NCOA7: variants seen among roughly 807,000 people sequenced by gnomAD.
NCOA7 encodes nuclear receptor coactivator 7.
Under a neutral mutation model 104.3 loss-of-function variants are expected in NCOA7, and 45 were observed. The ratio of observed to expected loss-of-function variants is 0.43; its 90% CI spans 0.34 to 0.55. The LOEUF is 0.55. Ranked by LOEUF, NCOA7 falls within the 20% of genes least tolerant of loss-of-function variation. The pLI is 0.02. For missense variants in NCOA7, 1,041 were observed against 1,119.7 expected (o/e 0.93, Z 1.00); for synonymous variants, 398 against 402.3 (o/e 0.99, Z 0.13).
At chr6:125,861,807 T>C (rs1235658123) in intron 3 of NCOA7, among the ~76,000 whole-genome samples, 11 of 150,664 alleles carry the variant, frequency 7.3e-5, no homozygotes, top group Non-Finnish European at 5.9e-5. Context: ...GAGGCGGAGG[T>C]GAGTGGATCA....
rs565281431 is a variant in NCOA7, at chr6:125,850,501, T to C, written c.51-4519T>C. Among the ~76,000 whole-genome samples, 22 of 152,336 alleles carry C rather than the reference T, an allele frequency of 1.4e-4. No individual in the cohort carries two copies. In the South Asian group the frequency reaches 4.1e-3, roughly 29 times the overall value. ...AAGAATAAAACAATGTATCCCATTT[T>C]GTTATTTCCATGAGTGAAAATGAGT... On this transcript the variant is annotated intron_variant, in intron 2 of 15. Coordinates refer to ENST00000392477, the MANE Select transcript of NCOA7 (RefSeq NM_181782.5).
Position 125,822,619 on chromosome 6 carries a change from T to G in NCOA7, c.50+7215T>G, listed in dbSNP as rs115569330. Among the ~76,000 whole-genome samples, 917 of 152,246 alleles carry G rather than the reference T, an allele frequency of 6.0e-3. 8 individuals carry two copies. The highest frequency in any genetic ancestry group is 0.021 in the African/African-American group (876 of 41,562). ...CATTGCACTAAGTATTAGTGTCTAC[T>G]TTGTCTGAAAGGGGGATTAGAACAT... On this transcript the variant is annotated intron_variant, in intron 2 of 15. Coordinates refer to ENST00000392477, the MANE Select transcript of NCOA7 (RefSeq NM_181782.5).
At position 125,814,550 on chromosome 6, in the gene NCOA7, T is replaced by C. The variant is rs555939735; in HGVS notation, c.-64-741T>C. ...GTTAGTGCTCTGCAGAAATTTAGAC[T>C]GGTGAATCACTGAATAAGTAGACAA... On this transcript the variant is annotated intron_variant, in intron 1 of 15. Transcript: ENST00000392477. Among the ~76,000 whole-genome samples the C allele has an allele frequency of 9.8e-5, 15 of 152,328 alleles. No homozygotes were observed. In the South Asian group the frequency reaches 1.0e-3, roughly 11 times the overall value.
chr6:125,787,197 T>C (rs967626113), upstream of NCOA7, among the ~76,000 whole-genome samples: 2 of 152,108 alleles, frequency 1.3e-5, no homozygotes, highest in Non-Finnish European at 1.5e-5. Flanking sequence ...AGCCTTTCAT[T>C]TGGGCAATGT....
rs762940352 is a variant in NCOA7, at chr6:125,889,205, C to T, written c.1151C>T (p.Ser384Phe). ...TCCTCTAGGGAGACATCCCATGGTT[C>T]TCCCACAGTGACTAAGCTCAGCAAG... ...LDSSRETSHG[S>F]PTVTKLSKEP... The change falls in exon 9 of 16, where the codon TCT (serine) becomes TTT (phenylalanine). Residue 384 changes from serine (S) to phenylalanine (F), a missense_variant. By Grantham distance (155) the Ser-to-Phe change is radical. Coordinates refer to ENST00000392477, the MANE Select transcript of NCOA7 (RefSeq NM_181782.5). 3 of 1,613,854 alleles carry T rather than the reference C, an allele frequency of 1.9e-6. No individual in the cohort carries two copies. The highest frequency in any genetic ancestry group is 1.7e-6 in the Non-Finnish European group (2 of 1,179,992).
upstream of NCOA7, among the ~76,000 whole-genome samples, chr6:125,790,153 G>C (rs991111127): frequency 6.6e-6 from 1 of 152,234 alleles, no homozygotes; most frequent in Non-Finnish European, 1.5e-5. Flanking sequence ...CCGGGAACGG[G>C]AGGGGGAAGG....
chr6:125,875,451 AT>A (rs1228642689), intron 4 of NCOA7: 2 of 152,868 alleles, frequency 1.3e-5, no homozygotes, highest in African/African-American at 4.8e-5. Flanking sequence ...CAACCCAGAC[AT>A]TCTTTTTAAG....
intron 6 of NCOA7, among the ~76,000 whole-genome samples, chr6:125,881,711 G>C (rs1375741217): frequency 1.4e-4 from 20 of 145,882 alleles, no homozygotes; most frequent in African/African-American, 4.8e-4. Context: ...CATGCCTTGT[G>C]TAAAAGTATG....
At chr6:125,784,781 C>A (rs1774381199) in intron 1 of NCOA7, among the ~76,000 whole-genome samples, 1 of 152,084 alleles carries the variant, frequency 6.6e-6, no homozygotes, top group Non-Finnish European at 1.5e-5. Context: ...AGGAAAAAAG[C>A]CAATCTAAAA....
At chr6:125,791,224 T>C (rs1187657330) in intron 1 of NCOA7, among the ~76,000 whole-genome samples, 157 bp downstream of exon 1, 1 of 152,130 alleles carries the variant, frequency 6.6e-6, no homozygotes, top group Non-Finnish European at 1.5e-5. Context: ...CGTAGCCCCC[T>C]GTGAACCTGA....
rs1292067365 is a variant in NCOA7 at position 125,857,912 on chromosome 6, A to T, written c.271+2672A>T. Among the ~76,000 whole-genome samples, 13 of 149,462 alleles carry T rather than the reference A, an allele frequency of 8.7e-5. No individual in the cohort carries two copies. The South Asian group carries it at 1.9e-3, about 22-fold the overall frequency. Reference sequence around the variant, plus strand: ...CAAAGCGTATGCTTTTTTTTTTTTTAAATGATTTCTCGCTGTAATAGGATA... The same window carrying T: ...CAAAGCGTATGCTTTTTTTTTTTTTTAATGATTTCTCGCTGTAATAGGATA... On this transcript the variant is annotated intron_variant, in intron 3 of 15. Transcript: ENST00000392477.
intron 3 of NCOA7, among the ~76,000 whole-genome samples, chr6:125,872,625 A>G (rs1783028693): frequency 6.6e-6 from 1 of 152,254 alleles, no homozygotes; most frequent in East Asian, 1.9e-4. Flanking sequence ...TCTACCACAT[A>G]AACAAAGCAA....
intron 10 of NCOA7, among the ~76,000 whole-genome samples, chr6:125,904,899 T>C (rs1487233006): frequency 6.6e-6 from 1 of 152,228 alleles, no homozygotes; most frequent in Non-Finnish European, 1.5e-5. Flanking sequence ...CTAGGACGGC[T>C]CTGCTTTCTC....
At position 125,882,447 on chromosome 6, in the gene NCOA7, G is replaced by T. The variant is rs779870115; in HGVS notation, c.595G>T (p.Ala199Ser). ...CAAGGATGCTGACTTAGCACGAAAG[G>T]CCTTGAAACCCATTGAAAGAGTCTT... is the stretch of plus-strand genomic sequence containing the variant. ...KLPDADLARK[A>S]LKPIERVLSS... is the part of the protein sequence containing the mutation. Residue 199 changes from alanine (A) to serine (S), a missense_variant, in exon 7 of 16, where the codon GCC (alanine) becomes TCC (serine). Around this residue, in one of 2 missense-constraint regions of NCOA7, gnomAD observed 914 missense variants for 942.7 expected, o/e 0.97. Transcript: ENST00000392477. 25 of 1,613,294 alleles carry T rather than the reference G, an allele frequency of 1.5e-5. No individual in the cohort carries two copies. The highest frequency in any genetic ancestry group is 1.8e-5 in the Non-Finnish European group (21 of 1,179,774).
At chr6:125,858,725 G>C (rs1045529748) in intron 3 of NCOA7, among the ~76,000 whole-genome samples, 1 of 152,020 alleles carries the variant, frequency 6.6e-6, no homozygotes, top group Non-Finnish European at 1.5e-5. Flanking sequence ...TTCCTCAGGA[G>C]AAGCCAGTGC....
Position 125,889,632 on chromosome 6 carries a change from C to G in NCOA7, c.1578C>G (p.Tyr526Ter), listed in dbSNP as rs764239862. 4.3e-6 allele frequency: 7 copies of G among 1,613,822 alleles called. No homozygotes were observed. The highest frequency in any genetic ancestry group is 5.1e-6 in the Non-Finnish European group (6 of 1,179,956). The part of the protein sequence containing the change: ...DLDKVKLIEY[Y>*]LTKNKEGPQV... ...ATAAAGTTAAACTCATTGAATATTA[C>G]CTGACTAAGAACAAAGAAGGGCCAC... The change falls in exon 9 of 16, where the codon TAC (tyrosine) becomes TAG (stop). Residue 526 changes from tyrosine (Y) to a stop codon, truncating the protein, a stop_gained. Coordinates refer to ENST00000392477, the MANE Select transcript of NCOA7 (RefSeq NM_181782.5). LOFTEE classifies it high-confidence loss of function.
chr6:125,889,830 A>T lies in NCOA7; in HGVS notation c.1776A>T (p.Lys592Asn). 1 of 1,613,716 alleles carries T rather than the reference A, an allele frequency of 6.2e-7. No individual in the cohort carries two copies. Among genetic ancestry groups the T allele is most frequent in the Non-Finnish European group, 8.5e-7 (1 of 1,179,898 alleles). ...WVKKGEPLPVKLNSSTEANVI... is the reference protein window; with the variant it reads ...WVKKGEPLPVNLNSSTEANVI... ...AAAAGGGAGAGCCCCTCCCGGTAAA[A>T]CTGAACTCTTCTACAGAAGCAAATG... The change falls in exon 9 of 16, where the codon AAA becomes AAT. Residue 592 changes from lysine (K) to asparagine (N), a missense_variant. Physicochemically the swap from Lys to Asn is moderately conservative, Grantham distance 94. Around this residue, in one of 2 missense-constraint regions of NCOA7, gnomAD observed 914 missense variants for 942.7 expected, o/e 0.97. Coordinates refer to ENST00000392477, the MANE Select transcript of NCOA7 (RefSeq NM_181782.5).
intron 10 of NCOA7, among the ~76,000 whole-genome samples, chr6:125,914,152 A>G (rs1786837447): frequency 6.6e-6 from 1 of 152,242 alleles, no homozygotes; most frequent in Non-Finnish European, 1.5e-5. Context: ...CCTACACTGT[A>G]TGGATAGTTA....
At chr6:125,797,802 C>T (rs73771191) in intron 1 of NCOA7, 2 of 152,304 alleles carry the variant, frequency 1.3e-5, no homozygotes, top group African/African-American at 4.8e-5. Context: ...GTGATTTCCC[C>T]CAGGGTTCTG....
Sources: gnomAD v4.1 joint callset for allele counts (sites outside exome capture counted in the v4.1 genomes callset) on GRCh38, gnomAD v4.1.1 for gene constraint, gnomAD v4.1.1 regional missense constraint, MANE v1.5 for transcripts, NCBI Gene and HGNC (gene_info 2026-07-23, HGNC 2026-07-21) for gene names.